NRXN1: variants seen among roughly 807,000 people sequenced by gnomAD.
The protein encoded by NRXN1 is neurexin 1, also known as neurexin-1.
A neutral mutation model predicts 150.9 loss-of-function variants in NRXN1; 39 were observed. That is an observed-to-expected ratio of 0.26 (90% CI 0.20 to 0.34). NRXN1 has a LOEUF of 0.34. Ranked by LOEUF, NRXN1 falls within the 10% of genes least tolerant of loss-of-function variation. The pLI is 1.00. For missense variants in NRXN1, 1,815 were observed against 1,949.9 expected (o/e 0.93, Z 1.30); for synonymous variants, 924 against 757.0 (o/e 1.22, Z -3.62).
intron 17 of NRXN1, among the ~76,000 whole-genome samples, chr2:50,403,198 T>C (rs2082513288): frequency 6.6e-6 from 1 of 152,080 alleles, no homozygotes; most frequent in African/African-American, 2.4e-5. Context: ...CAGAATTTAC[T>C]ATATACTTAG....
rs148176906 is a variant in NRXN1, at chr2:50,913,890, C to T, written c.832+7979G>A. Reference sequence around the variant, plus strand: ...TGTGGCTACATTTCTTAATATAAACCGTGAAAACAACCATTCTGAAAAGCT... The same window carrying T: ...TGTGGCTACATTTCTTAATATAAACTGTGAAAACAACCATTCTGAAAAGCT... On this transcript the variant is annotated intron_variant, in intron 5 of 22. Transcript: ENST00000401669. Among the ~76,000 whole-genome samples the T allele has an allele frequency of 1.6e-3, 248 of 151,750 alleles. 2 individuals carry two copies. The highest frequency in any genetic ancestry group is 5.7e-3 in the African/African-American group (235 of 41,478).
chr2:50,058,844 C>T (rs914678109), intron 19 of NRXN1, among the ~76,000 whole-genome samples: 13 of 152,190 alleles, frequency 8.5e-5, no homozygotes, highest in African/African-American at 3.1e-4. Flanking sequence ...TAAGACATGA[C>T]TTTGCTCCTC....
intron 5 of NRXN1, among the ~76,000 whole-genome samples, chr2:50,692,927 A>G (rs1345395710): frequency 6.6e-6 from 1 of 152,156 alleles, no homozygotes; most frequent in East Asian, 1.9e-4. Context: ...TTTAATTTAA[A>G]AAGAGCAATG....
At chr2:51,003,959 G>A (rs554199740) in intron 2 of NRXN1, among the ~76,000 whole-genome samples, 1 of 151,620 alleles carries the variant, frequency 6.6e-6, no homozygotes, top group African/African-American at 2.4e-5. Context: ...GCAGAAAACC[G>A]GTTTTACTAA....
At chr2:50,057,025 A>C (rs149542449) in intron 19 of NRXN1, among the ~76,000 whole-genome samples, 1 of 152,106 alleles carries the variant, frequency 6.6e-6, no homozygotes, top group Non-Finnish European at 1.5e-5. Context: ...TTACTACTAC[A>C]GTCTATTGAC....
At chr2:50,795,829 T>C (rs1706743250) in intron 5 of NRXN1, among the ~76,000 whole-genome samples, 1 of 151,016 alleles carries the variant, frequency 6.6e-6, no homozygotes, top group Non-Finnish European at 1.5e-5. Flanking sequence ...TTATACTATT[T>C]GTTACATGCA....
chr2:50,163,396 A>C (rs2152790063), intron 18 of NRXN1, among the ~76,000 whole-genome samples: 1 of 152,136 alleles, frequency 6.6e-6, no homozygotes, highest in East Asian at 1.9e-4. Flanking sequence ...TCCCATCCAA[A>C]CCATTGGCCT....
chr2:50,682,126 T>C (rs920879530), intron 5 of NRXN1, among the ~76,000 whole-genome samples: 15 of 152,176 alleles, frequency 9.9e-5, no homozygotes, highest in African/African-American at 3.6e-4. Flanking sequence ...ACAAAGAGCA[T>C]AGATTAGAAT....
intron 17 of NRXN1, among the ~76,000 whole-genome samples, chr2:50,424,218 G>T (rs1244369614): frequency 9.1e-6 from 1 of 109,568 alleles, no homozygotes; most frequent in Non-Finnish European, 1.8e-5. Context: ...AGGAGGAGAA[G>T]GAGAAGAAGA....
Position 50,734,955 on chromosome 2 carries a change from C to A in NRXN1, c.833-111340G>T, listed in dbSNP as rs150021251. Among the ~76,000 whole-genome samples, 18 of 152,248 alleles carry A rather than the reference C, an allele frequency of 1.2e-4. No homozygotes were observed. The East Asian group carries it at 3.5e-3, about 29-fold the overall frequency. ...CTTTTAATATGCACCAAGACCAATT[C>A]TTGGGCTACAATATACCTGTTCAAA... On this transcript the variant is annotated intron_variant, in intron 5 of 22. Transcript: ENST00000401669.
At chr2:50,176,957 G>A (rs1165229787) in intron 18 of NRXN1, among the ~76,000 whole-genome samples, 7 of 152,108 alleles carry the variant, frequency 4.6e-5, no homozygotes, top group Admixed American at 4.6e-4. Flanking sequence ...AGAGTAAACC[G>A]AGTTTCTGTT....
At chr2:50,149,802 GA>G (rs200657353) in intron 18 of NRXN1, among the ~76,000 whole-genome samples, 4 of 149,400 alleles carry the variant, frequency 2.7e-5, no homozygotes, top group South Asian at 2.1e-4. Context: ...TAGTTTAATT[GA>G]AAAAAAAAGC....
intron 2 of NRXN1, among the ~76,000 whole-genome samples, chr2:50,969,837 T>C (rs900566326): frequency 6.6e-6 from 1 of 152,116 alleles, no homozygotes; most frequent in African/African-American, 2.4e-5. Flanking sequence ...GACAAACACA[T>C]TTATTTAATA....
chr2:50,078,145 A>G (rs1458249632), intron 19 of NRXN1, among the ~76,000 whole-genome samples: 1 of 152,092 alleles, frequency 6.6e-6, no homozygotes, highest in Non-Finnish European at 1.5e-5. Flanking sequence ...CAACTCCAGT[A>G]TTAGATTAAG....
At chr2:50,935,517 T>C (rs967775025) in intron 2 of NRXN1, among the ~76,000 whole-genome samples, 3 of 152,116 alleles carry the variant, frequency 2.0e-5, no homozygotes, top group Non-Finnish European at 2.9e-5. Context: ...GGCAGATCAC[T>C]TGAGGTCAGC....
At chr2:50,268,181 C>A (rs375631766) in intron 17 of NRXN1, among the ~76,000 whole-genome samples, 9 of 151,988 alleles carry the variant, frequency 5.9e-5, no homozygotes, top group Admixed American at 5.9e-4. Context: ...CAGTGAGACT[C>A]TGACTCAAAA....
intron 18 of NRXN1, among the ~76,000 whole-genome samples, chr2:50,098,930 C>T (rs1225839973): frequency 7.3e-6 from 1 of 137,374 alleles, no homozygotes; most frequent in South Asian, 2.4e-4. Flanking sequence ...CAGAAGTGGG[C>T]AAGATATGTG....
intron 17 of NRXN1, among the ~76,000 whole-genome samples, chr2:50,420,416 T>TAC (rs142091102): frequency 4.4e-4 from 66 of 149,806 alleles, no homozygotes; most frequent in East Asian, 4.1e-3. Flanking sequence ...CACACACACA[T>TAC]ACACACACAC....
At chr2:50,658,565 C>T (rs1408952226) in intron 5 of NRXN1, among the ~76,000 whole-genome samples, 1 of 151,834 alleles carries the variant, frequency 6.6e-6, no homozygotes, top group African/African-American at 2.4e-5. Flanking sequence ...TTTTCTGCTG[C>T]CATAATTCAA....
Sources: gnomAD v4.1 joint callset for allele counts (sites outside exome capture counted in the v4.1 genomes callset) on GRCh38, gnomAD v4.1.1 for gene constraint, MANE v1.5 for transcripts, NCBI Gene and HGNC (gene_info 2026-07-23, HGNC 2026-07-21) for gene names.